The following EFL1 variants were observed in gnomAD, a reference collection of about 807,000 sequenced individuals.
EFL1 encodes elongation factor-like GTPase 1.
EFL1 carries 76 observed loss-of-function variants against 126.7 expected under a neutral mutation model. That is an observed-to-expected ratio of 0.60 (90% confidence interval 0.50 to 0.73). The LOEUF is 0.73. Among genes scored for constraint, EFL1 ranks in the 30% least tolerant of loss-of-function variants. The pLI, the probability that EFL1 is intolerant of heterozygous loss-of-function variation, is 0.00. For missense variants in EFL1, 1,128 were observed against 1,343.2 expected, an observed-to-expected ratio of 0.84 and a Z score of 2.50; for synonymous variants, 410 against 448.4, an observed-to-expected ratio of 0.91 and a Z score of 1.08.
At chr15:82,178,486 C>T (rs2074217250) in intron 15 of EFL1, among the ~76,000 whole-genome samples, 1 of 152,156 alleles carries the variant, frequency 6.6e-6, no homozygotes, top group African/African-American at 2.4e-5. Context: ...GTGCTTCACT[C>T]TCTTAGAGGG....
intron 19 of EFL1, among the ~76,000 whole-genome samples, chr15:82,132,124 G>A (rs995265312): frequency 5.3e-5 from 8 of 152,184 alleles, no homozygotes; most frequent in East Asian, 1.9e-4. Context: ...CCTGAGGCTC[G>A]ATTCTGACCC....
intron 14 of EFL1, among the ~76,000 whole-genome samples, chr15:82,217,373 GAAAAAAAAAAA>G: frequency 1.1e-4 from 3 of 27,154 alleles, no homozygotes; most frequent in South Asian, 3.4e-3. Flanking sequence ...GATTAGATTT[GAAAAAAAAAAA>G]AAAAAAAAAA....
At chr15:82,202,874 C>T (rs1477593791) in intron 15 of EFL1, among the ~76,000 whole-genome samples, 2 of 149,850 alleles carry the variant, frequency 1.3e-5, no homozygotes, top group South Asian at 2.1e-4. Context: ...TACAATGGTG[C>T]GATCTCAGTT....
intron 17 of EFL1, among the ~76,000 whole-genome samples, chr15:82,153,278 G>A (rs1189885099): frequency 6.6e-6 from 1 of 151,854 alleles, no homozygotes; most frequent in Non-Finnish European, 1.5e-5. Flanking sequence ...CAATCTTTTT[G>A]TATATTCACA....
chr15:82,144,248 C>T (rs1052434068), intron 18 of EFL1, among the ~76,000 whole-genome samples: 7 of 113,482 alleles, frequency 6.2e-5, no homozygotes, highest in East Asian at 2.6e-4. Flanking sequence ...AGAGTGAGAC[C>T]CTGTCTCCAA....
In EFL1 at chr15:82,211,547, T is replaced by TACACACACACAC. The variant is rs1214996508; in HGVS notation, c.1750+3169_1750+3170insGTGTGTGTGTGT. On this transcript the variant is annotated intron_variant, in intron 15 of 19. Transcript: ENST00000268206. ...TCTCAAAGAAAAAAAAAAAAATCTATATACACACACACACACACACACACA... is the reference window on the plus strand; with the variant it reads ...TCTCAAAGAAAAAAAAAAAAATCTATACACACACACACATACACACACACACACACACACACA... Among the ~76,000 whole-genome samples the TACACACACACAC allele has an allele frequency of 5.0e-3, 350 of 70,664 alleles. 18 individuals are homozygous for TACACACACACAC. Among genetic ancestry groups the TACACACACACAC allele is most frequent in the Non-Finnish European group, 6.8e-3 (244 of 36,130 alleles). The allele number at this position is 70,664 out of a possible 152,430, so 46.4% of individuals were successfully genotyped here. A position where few individuals can be genotyped will look rare whatever the true frequency, so the allele number is the denominator to read the frequency against.
At chr15:82,248,855 GAA>G (rs1311603476) in intron 4 of EFL1, among the ~76,000 whole-genome samples, 1 of 140,114 alleles carries the variant, frequency 7.1e-6, no homozygotes. Flanking sequence ...AACTTTTCTT[GAA>G]AAAAAAAAAA....
intron 3 of EFL1, among the ~76,000 whole-genome samples, chr15:82,258,499 C>T (rs1324142303): frequency 1.3e-5 from 2 of 152,068 alleles, no homozygotes; most frequent in South Asian, 2.1e-4. Flanking sequence ...TGCAGTGAGC[C>T]GTGCATGATC....
chr15:82,200,390 C>G (rs1425537044), intron 15 of EFL1, among the ~76,000 whole-genome samples: 1 of 152,202 alleles, frequency 6.6e-6, no homozygotes, highest in African/African-American at 2.4e-5. Flanking sequence ...GCAATTGAGT[C>G]TTGCCTTCCC....
intron 15 of EFL1, among the ~76,000 whole-genome samples, chr15:82,177,631 CTG>C (rs1318802731): frequency 3.9e-5 from 6 of 152,218 alleles, no homozygotes; most frequent in Non-Finnish European, 7.3e-5. Flanking sequence ...GCTCAGAAAA[CTG>C]TTCCTTGATT....
intron 15 of EFL1, among the ~76,000 whole-genome samples, chr15:82,199,331 AAG>A (rs140710084): frequency 6.6e-6 from 1 of 152,056 alleles, no homozygotes; most frequent in African/African-American, 2.4e-5. Context: ...GAGAGAGAGA[AAG>A]AGAGAGAGAT....
In EFL1 at chr15:82,220,197, C is replaced by T. The variant is rs761597474; in HGVS notation, c.1325G>A (p.Arg442His). Residue 442 changes from arginine to histidine, a missense_variant, in exon 13 of 20, where the codon CGT becomes CAT. Coordinates refer to ENST00000268206, the MANE Select transcript of EFL1 (RefSeq NM_024580.6). ...PLTQEEIAQR[R>H]ERARQRHAEK... ...TGCATGCCTTTGTCTTGCACGCTCA[C>T]GTCTCTGAGCAATTTCTTCTTGAGT... 4.5e-5 allele frequency: 72 copies of T among 1,608,346 alleles called. No individual in the cohort carries two copies. The highest frequency in any genetic ancestry group is 1.7e-4 in the Middle Eastern group (1 of 6,028).
At chr15:82,227,418 T>G (rs552729269) in intron 11 of EFL1, 32 bp downstream of exon 11, 2 of 1,613,906 alleles carry the variant, frequency 1.2e-6, no homozygotes, top group Admixed American at 3.3e-5. Flanking sequence ...GTCAATGACA[T>G]GGTATATTCC....
chr15:82,210,279 G>T (rs2074570026), intron 15 of EFL1, among the ~76,000 whole-genome samples: 1 of 152,162 alleles, frequency 6.6e-6, no homozygotes, highest in Non-Finnish European at 1.5e-5. Flanking sequence ...TTGAACATGG[G>T]CCAGCTGCAG....
At chr15:82,262,278 G>A (rs1429876014) in intron 1 of EFL1, 1 of 155,432 alleles carries the variant, frequency 6.4e-6, no homozygotes, top group Non-Finnish European at 1.4e-5. Context: ...TCCTGCCCAT[G>A]GAGCCCGAAC....
At chr15:82,211,595 G>GACAC (rs10543301) in intron 15 of EFL1, among the ~76,000 whole-genome samples, 20 of 105,806 alleles carry the variant, frequency 1.9e-4, no homozygotes, top group East Asian at 1.7e-3. Context: ...ACACATACTA[G>GACAC]ACACACACAC....
At chr15:82,216,405 A>G (rs4778984) in intron 14 of EFL1, among the ~76,000 whole-genome samples, 31,859 of 152,136 alleles carry the variant, frequency 0.21, 3,573 homozygotes, top group Non-Finnish European at 0.26. Flanking sequence ...AGGAGCAAAT[A>G]GGAACAAACA....
intron 7 of EFL1, among the ~76,000 whole-genome samples, chr15:82,235,408 A>G (rs2074863027): frequency 6.6e-6 from 1 of 152,316 alleles, no homozygotes; most frequent in African/African-American, 2.4e-5. Context: ...CAAAAAACTG[A>G]CATGAAATAA....
rs72749547 is a variant in EFL1, at chr15:82,171,171, A to G, written c.1751-7187T>C. Among the ~76,000 whole-genome samples, 1,053 of 152,312 alleles carry G rather than the reference A, an allele frequency of 6.9e-3. 10 individuals carry two copies. The highest frequency in any genetic ancestry group is 8.2e-3 in the Non-Finnish European group (556 of 68,030). ...TGGTCCTGATTGAAATGATCAAAGA[A>G]ACAGAAAACTAAAGAAAAGCTGAAT... On this transcript the variant is annotated intron_variant, in intron 15 of 19. Coordinates refer to ENST00000268206, the MANE Select transcript of EFL1 (RefSeq NM_024580.6).
Sources: gnomAD v4.1 joint callset for allele counts (sites outside exome capture counted in the v4.1 genomes callset) on GRCh38, gnomAD v4.1.1 for gene constraint, MANE v1.5 for transcripts, NCBI Gene and HGNC (gene_info 2026-07-23, HGNC 2026-07-21) for gene names.